Variants in KIF1B observed in about 807,000 individuals in gnomAD.
KIF1B encodes kinesin-like protein KIF1B.
A neutral mutation model predicts 241.9 loss-of-function variants in KIF1B; 76 were observed. That is an observed-to-expected ratio of 0.31 (90% CI 0.26 to 0.38). The LOEUF is 0.38. Among genes scored for constraint, KIF1B ranks in the 10% least tolerant of loss-of-function variants. The pLI, the probability that KIF1B is intolerant of heterozygous loss-of-function variation, is 1.00. For synonymous variants in KIF1B, 750 were observed against 796.7 expected (o/e 0.94, Z 0.99); for missense variants, 1,622 against 2,271.4 (o/e 0.71, Z 5.81).
chr1:10,277,996 C>T lies in KIF1B; in HGVS notation c.1048C>T (p.Arg350Cys), dbSNP rs1649205873. 3 of 1,613,642 alleles carry T rather than the reference C, an allele frequency of 1.9e-6. No homozygotes were observed. The highest frequency in any genetic ancestry group is 2.2e-5 in the East Asian group (1 of 44,830). Reference protein sequence around the residue: ...ETLSTLRYADRAKQIKCNAVI... With the variant: ...ETLSTLRYADCAKQIKCNAVI... ...TCTTTTTGGATCTAGATATGCAGAT[C>T]GTGCAAAACAAATTAAATGCAATGC... Residue 350 changes from arginine (R) to cysteine (C), a missense_variant, in exon 13 of 49, where the codon CGT (arginine) becomes TGT (cysteine). Physicochemically the swap from Arg to Cys is radical, Grantham distance 180. This residue lies in a region of KIF1B where 201 missense variants were observed against 301.2 expected (regional missense o/e 0.67). Transcript: ENST00000676179.
chr1:10,270,422 CT>C (rs1332535369), intron 7 of KIF1B, among the ~76,000 whole-genome samples: 1 of 152,120 alleles, frequency 6.6e-6, no homozygotes, highest in Non-Finnish European at 1.5e-5. Context: ...TCAATAGTTC[CT>C]TTTCATTGTT....
intron 15 of KIF1B, among the ~76,000 whole-genome samples, chr1:10,286,274 A>T (rs149703970): frequency 2.8e-4 from 43 of 152,308 alleles, no homozygotes; most frequent in African/African-American, 1.0e-3. Flanking sequence ...TTCTGACTAC[A>T]GGTGATCTGC....
At chr1:10,315,201 A>G in intron 22 of KIF1B, among the ~76,000 whole-genome samples, 1 of 122,942 alleles carries the variant, frequency 8.1e-6, no homozygotes, top group East Asian at 2.2e-4. Context: ...TTTTTTTAAG[A>G]CGGAGTCTCA....
chr1:10,304,509 G>T (rs751012534), intron 22 of KIF1B: 2 of 1,613,316 alleles, frequency 1.2e-6, no homozygotes, highest in Non-Finnish European at 8.5e-7. Flanking sequence ...CTGGAGGTCA[G>T]TTAGAGGGCA....
intron 38 of KIF1B, among the ~76,000 whole-genome samples, chr1:10,356,752 T>C (rs983223021): frequency 1.3e-5 from 2 of 151,708 alleles, no homozygotes; most frequent in African/African-American, 2.4e-5. Context: ...ATAGAAAAAT[T>C]AGCTGGGCGT....
At chr1:10,251,730 G>A (rs551151527) in intron 2 of KIF1B, among the ~76,000 whole-genome samples, 22 of 149,134 alleles carry the variant, frequency 1.5e-4, no homozygotes, top group East Asian at 7.9e-4. Context: ...GCAAAACTCC[G>A]TCTCAAAAAA....
chr1:10,316,106 T>G (rs1186876470), intron 22 of KIF1B, among the ~76,000 whole-genome samples: 1 of 141,212 alleles, frequency 7.1e-6, no homozygotes, highest in Non-Finnish European at 1.5e-5. Context: ...GTTGGCTCAC[T>G]CTTGTAGTCC....
intron 1 of KIF1B, among the ~76,000 whole-genome samples, chr1:10,228,766 C>T (rs1646942191): frequency 6.6e-6 from 1 of 152,036 alleles, no homozygotes; most frequent in Non-Finnish European, 1.5e-5. Flanking sequence ...GTAGTAAGGA[C>T]ATGGATTGAG....
At chr1:10,370,425 G>A (rs1396727330) in intron 44 of KIF1B, among the ~76,000 whole-genome samples, 3 of 151,784 alleles carry the variant, frequency 2.0e-5, no homozygotes, top group South Asian at 2.1e-4. Context: ...TTAGTTGGGT[G>A]TGGTGGTGTA....
chr1:10,292,680 T>A (rs1650056547), intron 17 of KIF1B, among the ~76,000 whole-genome samples: 1 of 152,234 alleles, frequency 6.6e-6, no homozygotes, highest in African/African-American at 2.4e-5. Context: ...GTTACCTTCC[T>A]TTTTACATAA....
chr1:10,376,185 C>T (rs1418687943), intron 48 of KIF1B, among the ~76,000 whole-genome samples: 2 of 152,168 alleles, frequency 1.3e-5, no homozygotes, highest in African/African-American at 2.4e-5. Context: ...AATGAGGCCT[C>T]TGCATCTTGT....
intron 1 of KIF1B, among the ~76,000 whole-genome samples, chr1:10,223,291 C>T (rs192533527): frequency 6.6e-6 from 1 of 151,992 alleles, no homozygotes; most frequent in African/African-American, 2.4e-5. Flanking sequence ...ACAAAAAGCA[C>T]CTCTGTAAAA....
chr1:10,303,443 G>A lies in KIF1B; in HGVS notation c.2115+6197G>A. 6.2e-7 allele frequency: 1 copy of A among 1,614,208 alleles called. No individual in the cohort carries two copies. Among genetic ancestry groups the A allele is most frequent in the Non-Finnish European group, 8.5e-7 (1 of 1,180,044 alleles). The stretch of plus-strand genomic sequence containing the variant: ...TATGAGGTTGCTCTCAATGACTTCA[G>A]GCACAGTCGGCAGGAGATTGAAGCC... On this transcript the variant is annotated intron_variant, in intron 22 of 48. Coordinates refer to ENST00000676179, the MANE Select transcript of KIF1B (RefSeq NM_001365951.3). This position sits in a 1 kb window ranked among gnomAD's most constrained non-coding sequence, Gnocchi z 5.2.
intron 2 of KIF1B, among the ~76,000 whole-genome samples, chr1:10,242,692 T>C (rs561482658): frequency 9.2e-5 from 14 of 152,108 alleles, no homozygotes; most frequent in South Asian, 8.3e-4. Flanking sequence ...AATTTTTGTA[T>C]TTTTAGTAGT....
chr1:10,355,422 G>A (rs1007454124), intron 38 of KIF1B: 9 of 152,312 alleles, frequency 5.9e-5, no homozygotes, highest in Admixed American at 2.6e-4. Flanking sequence ...TTTTTTGCAC[G>A]TAGGATTCTA....
At chr1:10,308,003 G>A (rs1238938834) in intron 22 of KIF1B, 7 of 1,057,354 alleles carry the variant, frequency 6.6e-6, no homozygotes, top group Non-Finnish European at 8.0e-6. Flanking sequence ...GACCTTTTGT[G>A]CTTTAGGTGC....
At chr1:10,226,161 T>G (rs1646905916) in intron 1 of KIF1B, among the ~76,000 whole-genome samples, 1 of 152,088 alleles carries the variant, frequency 6.6e-6, no homozygotes, top group Admixed American at 6.5e-5. Flanking sequence ...AGATATAAGC[T>G]GATTAGATGG....
intron 5 of KIF1B, among the ~76,000 whole-genome samples, chr1:10,263,465 A>G (rs538455396): frequency 1.3e-5 from 2 of 151,646 alleles, no homozygotes; most frequent in Non-Finnish European, 2.9e-5. Context: ...AGCGATCTTG[A>G]GATTTTTTTT....
At chr1:10,250,377 T>C (rs908215157) in intron 2 of KIF1B, among the ~76,000 whole-genome samples, 3 of 151,718 alleles carry the variant, frequency 2.0e-5, no homozygotes, top group African/African-American at 7.3e-5. Context: ...CTCGCTCTGT[T>C]GCCCAGGGTG....
Sources: allele counts gnomAD v4.1 joint callset (sites outside exome capture counted in the v4.1 genomes callset), GRCh38; gene constraint gnomAD v4.1.1; regional missense constraint gnomAD v4.1.1; non-coding constraint Gnocchi (gnomAD v3.1); transcripts MANE v1.5; gene names NCBI Gene and HGNC (gene_info 2026-07-23, HGNC 2026-07-21).